The following SPAG16 variants were observed in gnomAD, a reference collection of about 807,000 sequenced individuals.
SPAG16 encodes the protein sperm-associated antigen 16 protein.
Under a neutral mutation model 80.4 loss-of-function variants are expected in SPAG16, and 86 were observed. The observed-to-expected ratio is 1.07, with a 90% CI of 0.90 to 1.28. The LOEUF (loss-of-function observed/expected upper bound fraction) is 1.28. SPAG16 is among the 50% of genes most tolerant of loss of function. The pLI is 0.00. For synonymous variants in SPAG16, 294 were observed against 265.9 expected, an observed-to-expected ratio of 1.11 and a Z score of -1.03; for missense variants, 870 against 765.3, an observed-to-expected ratio of 1.14 and a Z score of -1.61.
At chr2:213,676,027 G>A (rs1024620845) in intron 10 of SPAG16, among the ~76,000 whole-genome samples, 6 of 152,158 alleles carry the variant, frequency 3.9e-5, no homozygotes, top group Non-Finnish European at 8.8e-5. Context: ...AGCATGGAAT[G>A]TTCTTCCATT....
intron 15 of SPAG16, among the ~76,000 whole-genome samples, chr2:214,225,898 A>G (rs1391034721): frequency 6.6e-6 from 1 of 152,160 alleles, no homozygotes; most frequent in Non-Finnish European, 1.5e-5. Context: ...AATGCATTGA[A>G]AACATCATTA....
chr2:213,748,080 A>G (rs2067913917), intron 10 of SPAG16, among the ~76,000 whole-genome samples: 1 of 152,200 alleles, frequency 6.6e-6, no homozygotes, highest in Admixed American at 6.5e-5. Context: ...AAATGTATCA[A>G]TTCTTTTTTT....
rs13420908 is a variant in SPAG16 at position 214,128,351 on chromosome 2, A to T, written c.1593+20090A>T. Among the ~76,000 whole-genome samples, 768 of 151,880 alleles carry T rather than the reference A, an allele frequency of 5.1e-3. 7 individuals carry two copies. Among genetic ancestry groups the T allele is most frequent in the Admixed American group, 9.6e-3 (144 of 14,932 alleles). The stretch of plus-strand genomic sequence containing the variant: ...GAGAGTTATTGGCATGTTTTAGTTA[A>T]ATCTTATATTTCTCAGTTTAATTGA... On this transcript the variant is annotated intron_variant, in intron 14 of 15. Transcript: ENST00000331683.
chr2:213,606,374 G>A (rs2061260511), intron 10 of SPAG16, among the ~76,000 whole-genome samples: 1 of 152,180 alleles, frequency 6.6e-6, no homozygotes, highest in Non-Finnish European at 1.5e-5. Context: ...GCTCCCACAA[G>A]CAATGGATCA....
At chr2:213,309,133 A>G (rs1007350931) in intron 3 of SPAG16, among the ~76,000 whole-genome samples, 2 of 152,118 alleles carry the variant, frequency 1.3e-5, no homozygotes, top group African/African-American at 4.8e-5. Context: ...ATTTTTGGCT[A>G]TTGGAGCATT....
intron 11 of SPAG16, among the ~76,000 whole-genome samples, chr2:213,883,324 C>G (rs1295044508): frequency 6.6e-6 from 1 of 152,076 alleles, no homozygotes; most frequent in African/African-American, 2.4e-5. Context: ...TTTAAGAGAT[C>G]TTTTTGATAT....
intron 10 of SPAG16, among the ~76,000 whole-genome samples, chr2:213,606,263 G>A (rs183993380): frequency 5.3e-5 from 8 of 152,234 alleles, no homozygotes; most frequent in East Asian, 1.9e-4. Flanking sequence ...GTGCACATTC[G>A]TGTATGAGTC....
intron 10 of SPAG16, among the ~76,000 whole-genome samples, chr2:213,537,060 C>G (rs11677521): frequency 0.43 from 64,909 of 150,096 alleles, 14,771 homozygotes; most frequent in African/African-American, 0.56. Flanking sequence ...ACTATCGCAA[C>G]AACAAAAAAT....
Position 213,678,622 on chromosome 2 carries a change from G to A in SPAG16, c.1071-183863G>A, listed in dbSNP as rs557349448. On this transcript the variant is annotated intron_variant, in intron 10 of 15. Coordinates refer to ENST00000331683, the MANE Select transcript of SPAG16 (RefSeq NM_024532.5). Reference sequence around the variant, plus strand: ...CCTTGTTTACTCTGCAACTCCCTTGGTATTTCACTTTCACCCATTATCAGT... The same window carrying A: ...CCTTGTTTACTCTGCAACTCCCTTGATATTTCACTTTCACCCATTATCAGT... Among the ~76,000 whole-genome samples, 4 of 152,204 alleles carry A rather than the reference G, an allele frequency of 2.6e-5. No homozygotes were observed. In the East Asian group the frequency reaches 7.7e-4, roughly 29 times the overall value.
At chr2:213,288,328 G>A (rs1275095483) in intron 1 of SPAG16, among the ~76,000 whole-genome samples, 2 of 151,990 alleles carry the variant, frequency 1.3e-5, no homozygotes, top group Admixed American at 6.5e-5. Flanking sequence ...TTTTTGAGAC[G>A]GAGTCTCGCT....
chr2:214,254,096 CTCTG>C (rs1453088102), intron 15 of SPAG16, among the ~76,000 whole-genome samples: 8 of 99,624 alleles, frequency 8.0e-5, no homozygotes, highest in African/African-American at 2.6e-4. Context: ...TGATTTGGCT[CTCTG>C]TCTGTTATTG....
intron 13 of SPAG16, among the ~76,000 whole-genome samples, chr2:214,083,014 A>T (rs1048083633): frequency 1.8e-4 from 28 of 152,102 alleles, no homozygotes; most frequent in Non-Finnish European, 7.4e-5. Context: ...TAAGCTCTAA[A>T]TTTTTTATTT....
intron 10 of SPAG16, among the ~76,000 whole-genome samples, chr2:213,650,960 A>T (rs1193091754): frequency 6.6e-6 from 1 of 152,130 alleles, no homozygotes; most frequent in Non-Finnish European, 1.5e-5. Context: ...AGCCATTATG[A>T]TTAGATTTTG....
chr2:214,346,528 G>A (rs1367322347), intron 15 of SPAG16, among the ~76,000 whole-genome samples: 1 of 151,956 alleles, frequency 6.6e-6, no homozygotes, highest in Non-Finnish European at 1.5e-5. Context: ...CTATTGAAAG[G>A]TGGGGTCTAT....
At chr2:214,357,584 A>G (rs1238518815) in intron 15 of SPAG16, among the ~76,000 whole-genome samples, 1 of 151,902 alleles carries the variant, frequency 6.6e-6, no homozygotes, top group Non-Finnish European at 1.5e-5. Flanking sequence ...AGACATTTGT[A>G]TAGTCTCTTG....
At chr2:214,159,677 G>T (rs545815879) in intron 15 of SPAG16, among the ~76,000 whole-genome samples, 3 of 151,794 alleles carry the variant, frequency 2.0e-5, no homozygotes, top group South Asian at 2.1e-4. Context: ...TTTCTCACTT[G>T]TTCTATAAGA....
At chr2:213,672,437 C>T (rs1196510508) in intron 10 of SPAG16, among the ~76,000 whole-genome samples, 1 of 152,022 alleles carries the variant, frequency 6.6e-6, no homozygotes, top group African/African-American at 2.4e-5. Flanking sequence ...GACAAACAAC[C>T]CTTCTCAGGT....
chr2:213,904,535 A>G (rs1449220031), intron 11 of SPAG16, among the ~76,000 whole-genome samples: 2 of 150,104 alleles, frequency 1.3e-5, no homozygotes, highest in African/African-American at 2.5e-5. Context: ...TGGAAGTACA[A>G]TTCAAGATGA....
chr2:214,096,902 C>T (rs1236750086), intron 13 of SPAG16, among the ~76,000 whole-genome samples: 2 of 151,870 alleles, frequency 1.3e-5, no homozygotes, highest in African/African-American at 2.4e-5. Flanking sequence ...AATTTATATG[C>T]CAGTGAGATC....
Sources: allele counts gnomAD v4.1 joint callset (sites outside exome capture counted in the v4.1 genomes callset), GRCh38; gene constraint gnomAD v4.1.1; transcripts MANE v1.5; gene names NCBI Gene and HGNC (gene_info 2026-07-23, HGNC 2026-07-21).